Variants in TJP2 observed in about 807,000 individuals in gnomAD.
TJP2 encodes the protein Friedreich ataxia region gene X104 (tight junction protein ZO-2).
In TJP2, 91 loss-of-function variants were observed where a neutral mutation model predicts 133.1. The observed-to-expected ratio is 0.68, with a 90% CI of 0.58 to 0.81. The LOEUF is 0.81. Among genes scored for constraint, TJP2 ranks in the 40% least tolerant of loss-of-function variants. TJP2 has a pLI of 0.00. For synonymous variants in TJP2, 592 were observed against 583.4 expected, an observed-to-expected ratio of 1.01 and a Z score of -0.21; for missense variants, 1,541 against 1,565.6, an observed-to-expected ratio of 0.98 and a Z score of 0.26.
rs1163574903 is a variant in TJP2, at chr9:69,126,149, G to C, written c.-131+4424G>C. ...CCCCTTCACCTCCAGCAGTTATATT[G>C]AGATGTAATTCATGACAAGCTATGT... On this transcript the variant is annotated intron_variant, in intron 1 of 5. Coordinates refer to the TJP2 transcript ENST00000423935. Among the ~76,000 whole-genome samples the C allele has an allele frequency of 7.8e-5, 6 of 76,780 alleles. 3 individuals are homozygous for C. Among genetic ancestry groups the C allele is most frequent in the Non-Finnish European group, 1.2e-4 (4 of 33,388 alleles). The allele number at this position is 76,780 out of a possible 152,430, so 50.4% of individuals were successfully genotyped here.
In TJP2 at chr9:69,254,245, A is replaced by G. The variant is rs1372267234; in HGVS notation, c.3444A>G (p.Arg1148=). The G allele has an allele frequency of 6.2e-7, 1 of 1,614,082 alleles. No homozygotes were observed. Among genetic ancestry groups the G allele is most frequent in the Non-Finnish European group, 8.5e-7 (1 of 1,180,046 alleles). ...RPPEPQKAPS[R]PYQDTRGSYG... ...CTGAGCCACAGAAAGCTCCTTCCAG[A>G]CCTTATCAGGATACCAGAGGAAGTT... The change falls in exon 23 of 23, where the codon AGA becomes AGG. Residue 1148 remains arginine, a synonymous_variant. Coordinates refer to ENST00000377245, the MANE Select transcript of TJP2 (RefSeq NM_004817.4).
chr9:69,172,101 A>G (rs1824722244), upstream of TJP2, among the ~76,000 whole-genome samples: 1 of 152,120 alleles, frequency 6.6e-6, no homozygotes, highest in Non-Finnish European at 1.5e-5. Context: ...TGCGGAGTAG[A>G]AGTTCTTTGG....
intron 17 of TJP2, among the ~76,000 whole-genome samples, chr9:69,241,750 A>T (rs1041839793): frequency 1.3e-5 from 2 of 152,170 alleles, no homozygotes; most frequent in East Asian, 3.8e-4. Context: ...GTGCTGTCTT[A>T]TTAGGCCATA....
chr9:69,201,551 G>A (rs1161499781), intron 1 of TJP2, among the ~76,000 whole-genome samples: 1 of 152,082 alleles, frequency 6.6e-6, no homozygotes, highest in Non-Finnish European at 1.5e-5. Context: ...CCTGAGGGCA[G>A]TGCTTTATTT....
Position 69,236,188 on chromosome 9 carries a change from T to A in TJP2, c.1941T>A (p.Ala647=). The A allele has an allele frequency of 6.2e-7, 1 of 1,614,134 alleles. No homozygotes were observed. The highest frequency in any genetic ancestry group is 1.7e-5 in the Admixed American group (1 of 60,020). ...ACGGCAAGCTGGGCAACTGGCTGGC[T>A]GTGAGGATTGGGAACGAGTTGGAGA... The part of the protein sequence containing the change: ...LYDGKLGNWL[A]VRIGNELEKG... The change falls in exon 13 of 23, where the codon GCT becomes GCA. Residue 647 remains alanine (A), a synonymous_variant. Transcript: ENST00000377245.
chr9:69,244,455 C>T (rs535077406), intron 17 of TJP2, among the ~76,000 whole-genome samples: 6 of 152,232 alleles, frequency 3.9e-5, no homozygotes, highest in South Asian at 4.1e-4. Context: ...GCTGGGCACA[C>T]GTGCCCTCAG....
At chr9:69,196,957 A>ACACACACACACC (rs1826620475) in intron 1 of TJP2, among the ~76,000 whole-genome samples, 1 of 151,028 alleles carries the variant, frequency 6.6e-6, no homozygotes, top group Non-Finnish European at 1.5e-5. Context: ...ACACACACAC[A>ACACACACACACC]CACACACACA....
intron 11 of TJP2, among the ~76,000 whole-genome samples, chr9:69,232,659 A>G (rs910335999): frequency 5.3e-5 from 8 of 152,166 alleles, no homozygotes; most frequent in African/African-American, 1.7e-4. Context: ...CCAGATATGT[A>G]TATTCCTTAT....
At position 69,228,047 on chromosome 9, in the gene TJP2, A is replaced by G. The variant is rs1238090525; in HGVS notation, c.1386A>G (p.Thr462=). 6 of 1,613,926 alleles carry G rather than the reference A, an allele frequency of 3.7e-6. No homozygotes were observed. The highest frequency in any genetic ancestry group is 5.1e-6 in the Non-Finnish European group (6 of 1,179,998). ...MGATPTPFKS[T]GDIAGTVVPE... ...CGACACCCACTCCCTTTAAGTCCAC[A>G]GGGGATATTGCAGGCACAGTTGTCC... Residue 462 remains threonine, a synonymous_variant, in exon 9 of 23, where the codon ACA becomes ACG. Coordinates refer to ENST00000377245, the MANE Select transcript of TJP2 (RefSeq NM_004817.4).
intron 6 of TJP2, 55 bp downstream of exon 6, chr9:69,225,462 A>G (rs1829272575): frequency 1.7e-6 from 2 of 1,176,018 alleles, no homozygotes; most frequent in Admixed American, 1.8e-5. Flanking sequence ...CATCGCCTGC[A>G]TGTCCACATT....
chr9:69,206,881 C>T (rs564131749), intron 1 of TJP2, among the ~76,000 whole-genome samples: 1 of 152,316 alleles, frequency 6.6e-6, no homozygotes, highest in Admixed American at 6.5e-5. Context: ...CCGGCCTCAT[C>T]TCCCTATTTT....
At chr9:69,180,184 GAGAGAGTTATTAGAAT>G (rs1428234106) in intron 1 of TJP2, among the ~76,000 whole-genome samples, 2 of 125,692 alleles carry the variant, frequency 1.6e-5, no homozygotes, top group East Asian at 4.2e-4. Flanking sequence ...CCCATTGTGG[GAGAGAGTTATTAGAAT>G]AGTTATTCTT....
chr9:69,231,068 G>A (rs1322767485), intron 11 of TJP2, among the ~76,000 whole-genome samples: 1 of 152,016 alleles, frequency 6.6e-6, no homozygotes, highest in Non-Finnish European at 1.5e-5. Context: ...AGAACATCAA[G>A]TATCTCCTTA....
intron 2 of TJP2, among the ~76,000 whole-genome samples, chr9:69,156,002 T>G (rs1164858079): frequency 6.6e-6 from 1 of 152,230 alleles, no homozygotes; most frequent in Non-Finnish European, 1.5e-5. Flanking sequence ...AGGTTTGTGT[T>G]TGTTCTGAGA....
At chr9:69,249,850 C>A (rs2133481573) in intron 20 of TJP2, 2 of 682,480 alleles carry the variant, frequency 2.9e-6, no homozygotes, top group Non-Finnish European at 3.6e-6. Context: ...AGTTTTCTGC[C>A]CAGTCTGATT....
At chr9:69,236,264 C>A (rs772515154) in intron 13 of TJP2, 26 bp downstream of exon 13, 6 of 1,610,308 alleles carry the variant, frequency 3.7e-6, no homozygotes, top group Non-Finnish European at 5.1e-6. Flanking sequence ...TTCTCACATA[C>A]CCCTTTTAAT....
chr9:69,158,772 TC>T (rs1261993397), intron 2 of TJP2, among the ~76,000 whole-genome samples: 1 of 152,080 alleles, frequency 6.6e-6, no homozygotes, highest in Non-Finnish European at 1.5e-5. Context: ...TCTTATGATT[TC>T]CATTTCATCT....
intron 2 of TJP2, 101 bp downstream of exon 2, chr9:69,212,702 T>TC (rs113063642): frequency 1.8e-5 from 16 of 865,382 alleles, no homozygotes; most frequent in Non-Finnish European, 2.0e-5. Flanking sequence ...GCTTTTTTTT[T>TC]CCCTTGAGGT....
chr9:69,251,512 G>A lies in TJP2; in HGVS notation c.3321+148G>A, dbSNP rs182789674. 498 of 816,936 alleles carry A rather than the reference G, an allele frequency of 6.1e-4. 2 individuals carry two copies. In the African/African-American group the frequency reaches 7.4e-3, roughly 12 times the overall value. The allele number at this position is 816,936 out of a possible 1,614,324, so 50.6% of individuals were successfully genotyped here. A position where few individuals can be genotyped will look rare whatever the true frequency, so the allele number is the denominator to read the frequency against. On this transcript the variant is annotated intron_variant, in intron 21 of 22. Transcript: ENST00000377245. ...GGTGCTGTGTATGTCACTTCAGATT[G>A]CCAGCTCCCAGCACGTCCCTTGTTC...
Sources: gnomAD v4.1 joint callset for allele counts (sites outside exome capture counted in the v4.1 genomes callset) on GRCh38, gnomAD v4.1.1 for gene constraint, MANE v1.5 for transcripts, NCBI Gene and HGNC (gene_info 2026-07-23, HGNC 2026-07-21) for gene names.